Variants in TRMT2B observed in about 807,000 individuals in gnomAD.
TRMT2B encodes the protein tRNA methyltransferase 2B, also known as tRNA (uracil-5-)-methyltransferase homolog B.
TRMT2B carries 34 observed loss-of-function variants against 39.7 expected under a neutral mutation model. The ratio of observed to expected loss-of-function variants is 0.86; its 90% CI spans 0.65 to 1.14. The LOEUF (loss-of-function observed/expected upper bound fraction) is 1.14. Among genes scored for constraint, TRMT2B ranks in the 50% most tolerant of loss-of-function variants. TRMT2B has a pLI of 0.00. For synonymous variants in TRMT2B, 132 were observed against 137.3 expected, an observed-to-expected ratio of 0.96 and a Z score of 0.27; for missense variants, 318 against 377.2, an observed-to-expected ratio of 0.84 and a Z score of 1.30.
chrX:100,985,763 T>TGAA, the TRMT2B span: 36 of 1,211,539 alleles, frequency 3.0e-5, no homozygotes, highest in East Asian at 1.1e-3. Flanking sequence ...AATGGAGACC[T>TGAA]GAAGGGCCGG....
chrX:101,038,178 A>C (rs1194616175), intron 4 of TRMT2B, 127 bp from the exon 5 acceptor site: 2 of 522,775 alleles, frequency 3.8e-6, no homozygotes, highest in Non-Finnish European at 6.3e-6. Context: ...GACCAGCCTG[A>C]CCAACATGAA....
At chrX:101,019,794 G>A (rs2086707484) in intron 11 of TRMT2B, among the ~76,000 whole-genome samples, 2 of 108,664 alleles carry the variant, frequency 1.8e-5, no homozygotes, top group South Asian at 4.1e-4. Flanking sequence ...CACCACGACC[G>A]GCTAATTTTG....
intron 13 of TRMT2B, among the ~76,000 whole-genome samples, chrX:101,016,051 C>T (rs1420427570): frequency 4.5e-5 from 5 of 111,431 alleles, no homozygotes; most frequent in Admixed American, 9.7e-5. Context: ...ACCTGGGTGA[C>T]GGAGTGAGAT....
the TRMT2B span, among the ~76,000 whole-genome samples, chrX:100,989,478 C>T: frequency 9.1e-6 from 1 of 109,490 alleles, no homozygotes; most frequent in Non-Finnish European, 1.9e-5. Flanking sequence ...GGCATGGTGG[C>T]GGACGCCTGT....
the TRMT2B span, among the ~76,000 whole-genome samples, chrX:100,975,505 T>C: frequency 8.9e-6 from 1 of 111,922 alleles, no homozygotes; most frequent in Non-Finnish European, 1.9e-5. Flanking sequence ...ATGGATTTTT[T>C]CCTCTCTGTA....
chrX:101,034,840 T>C (rs1343092982), intron 7 of TRMT2B, among the ~76,000 whole-genome samples: 1 of 110,680 alleles, frequency 9.0e-6, no homozygotes, highest in Non-Finnish European at 1.9e-5. Flanking sequence ...AAGACCAGAC[T>C]GGCCAACATG....
chrX:101,043,991 C>T (rs1876814306), intron 2 of TRMT2B, among the ~76,000 whole-genome samples: 1 of 112,022 alleles, frequency 8.9e-6, no homozygotes, highest in South Asian at 3.6e-4. Context: ...CGCCTGTAAT[C>T]CCAACGCTTT....
chrX:100,994,856 G>A, the TRMT2B span, among the ~76,000 whole-genome samples: 3 of 111,251 alleles, frequency 2.7e-5, no homozygotes, highest in South Asian at 3.8e-4. Flanking sequence ...CTGCAACCTC[G>A]AACTCCTGGG....
intron 3 of TRMT2B, among the ~76,000 whole-genome samples, chrX:101,041,742 A>G (rs2088250179): frequency 8.9e-6 from 1 of 111,886 alleles, no homozygotes; most frequent in Non-Finnish European, 1.9e-5. Flanking sequence ...TAATCCATCT[A>G]ATATCATTCT....
At chrX:100,981,609 G>T in the TRMT2B span, among the ~76,000 whole-genome samples, 1 of 104,569 alleles carries the variant, frequency 9.6e-6, no homozygotes, top group African/African-American at 3.5e-5. Flanking sequence ...TTCAAGACCA[G>T]CCTGGGCAAC....
At position 101,010,507 on chromosome X, in the gene TRMT2B, T is replaced by C. The variant is rs2086201795; in HGVS notation, c.*74A>G. 1.4e-5 allele frequency: 16 copies of C among 1,130,477 alleles called. No homozygotes were observed. Among genetic ancestry groups the C allele is most frequent in the Non-Finnish European group, 1.8e-5 (15 of 828,659 alleles). 93.2% of individuals were successfully genotyped at this position (1,130,477 alleles called of 1,213,427 possible). On this transcript the variant is annotated 3_prime_UTR_variant, in exon 14 of 14. Coordinates refer to ENST00000372936, the MANE Select transcript of TRMT2B (RefSeq NM_024917.6). ...TGTAATGCTCCCAGGGTCTGCAATG[T>C]AGCAATATGCCAAACCTGAAAGTTT...
At chrX:101,030,362 C>T (rs1208927674) in intron 7 of TRMT2B, among the ~76,000 whole-genome samples, 1 of 109,807 alleles carries the variant, frequency 9.1e-6, no homozygotes, top group African/African-American at 3.3e-5. Context: ...TCAGGAGAAA[C>T]TGAACCCATC....
intron 2 of TRMT2B, among the ~76,000 whole-genome samples, chrX:101,045,522 C>A (rs1019116942): frequency 9.2e-5 from 10 of 108,823 alleles, no homozygotes; most frequent in African/African-American, 3.3e-4. Flanking sequence ...GTAATCCCAG[C>A]ACTTTGGGAG....
At chrX:101,038,292 C>T (rs2087966722) in intron 4 of TRMT2B, among the ~76,000 whole-genome samples, 1 of 95,698 alleles carries the variant, frequency 1.0e-5, no homozygotes, top group African/African-American at 4.0e-5. Flanking sequence ...CGCTTGAACC[C>T]AGGAGGTGGA....
the TRMT2B span, among the ~76,000 whole-genome samples, chrX:100,977,624 G>T: frequency 6.3e-5 from 7 of 110,774 alleles, no homozygotes; most frequent in East Asian, 2.0e-3. Flanking sequence ...CAGGTGATCT[G>T]CCTGCCTCGG....
At chrX:100,975,223 G>A in the TRMT2B span, among the ~76,000 whole-genome samples, 2 of 111,739 alleles carry the variant, frequency 1.8e-5, no homozygotes, top group East Asian at 5.6e-4. Context: ...CATGCCCTCT[G>A]ATACAGCCAC....
At chrX:101,000,682 G>A in the TRMT2B span, among the ~76,000 whole-genome samples, 1 of 110,614 alleles carries the variant, frequency 9.0e-6, no homozygotes, top group South Asian at 3.8e-4. Context: ...CTGTAGTTAC[G>A]TTTTATCTGC....
the TRMT2B span, among the ~76,000 whole-genome samples, chrX:101,000,612 T>A: frequency 2.7e-5 from 3 of 109,731 alleles, 1 homozygote; most frequent in Admixed American, 3.0e-4. Context: ...AACACCTGGG[T>A]AAGTCTAGAA....
chrX:101,028,633 A>G (rs2087263343), intron 7 of TRMT2B, among the ~76,000 whole-genome samples: 1 of 111,956 alleles, frequency 8.9e-6, no homozygotes, highest in African/African-American at 3.2e-5. Flanking sequence ...CAGATTGATC[A>G]TTAAATCATA....
Sources: allele counts gnomAD v4.1 joint callset (sites outside exome capture counted in the v4.1 genomes callset), GRCh38; gene constraint gnomAD v4.1.1; transcripts MANE v1.5; gene names NCBI Gene and HGNC (gene_info 2026-07-23, HGNC 2026-07-21).